LRRK1: variants seen among roughly 807,000 people sequenced by gnomAD.
LRRK1 encodes leucine rich repeat kinase 1, also known as leucine-rich repeat serine/threonine-protein kinase 1.
LRRK1 carries 113 observed loss-of-function variants against 209.1 expected under a neutral mutation model. That is an observed-to-expected ratio of 0.54 (90% CI 0.46 to 0.63). The LOEUF (loss-of-function observed/expected upper bound fraction) is 0.63, where lower values mean the gene tolerates loss of function less well. Among genes scored for constraint, LRRK1 ranks in the 30% least tolerant of loss-of-function variants. The pLI, the probability that LRRK1 is intolerant of heterozygous loss-of-function variation, is 0.00. For synonymous variants in LRRK1, 1,144 were observed against 1,099.7 expected (o/e 1.04, Z -0.80); for missense variants, 2,284 against 2,632.2 (o/e 0.87, Z 2.89).
intron 2 of LRRK1, among the ~76,000 whole-genome samples, chr15:100,949,273 C>A (rs2042599868): frequency 6.6e-6 from 1 of 152,034 alleles, no homozygotes; most frequent in African/African-American, 2.4e-5. Flanking sequence ...AATTCAATAA[C>A]CTAGATGAAA....
chr15:101,068,864 T>C lies in LRRK1; in HGVS notation c.*16T>C. On this transcript the variant is annotated 3_prime_UTR_variant, in exon 34 of 34. Transcript: ENST00000388948. ...GAGAAGGTAATTCCTGTGGAATGAC[T>C]GTCACACATCAGAGCTGGCTGGCCC... 1 of 1,578,736 alleles carries C rather than the reference T, an allele frequency of 6.3e-7. No homozygotes were observed. Among genetic ancestry groups the C allele is most frequent in the Non-Finnish European group, 8.6e-7 (1 of 1,160,850 alleles).
intron 1 of LRRK1, among the ~76,000 whole-genome samples, chr15:100,921,777 T>G (rs1044224198): frequency 6.6e-6 from 1 of 152,182 alleles, no homozygotes; most frequent in Non-Finnish European, 1.5e-5. Flanking sequence ...AGTGCAGTGG[T>G]GCAATCTTGG....
chr15:100,974,652 A>G (rs1275354960), intron 3 of LRRK1, among the ~76,000 whole-genome samples: 2 of 152,226 alleles, frequency 1.3e-5, no homozygotes, highest in Non-Finnish European at 1.5e-5. Flanking sequence ...CTCATCTCTT[A>G]CTAATATAAA....
chr15:101,015,115 G>T (rs1052349886), intron 11 of LRRK1, among the ~76,000 whole-genome samples: 2 of 152,160 alleles, frequency 1.3e-5, no homozygotes, highest in African/African-American at 4.8e-5. Context: ...GCAGTATCAC[G>T]GTGGAACTTG....
chr15:101,003,638 C>T (rs1220795911), intron 6 of LRRK1, among the ~76,000 whole-genome samples: 6 of 152,182 alleles, frequency 3.9e-5, no homozygotes, highest in African/African-American at 9.7e-5. Context: ...TCTCATGAGA[C>T]TTGTTCACTA....
chr15:101,033,968 G>T (rs1361249773), intron 20 of LRRK1, among the ~76,000 whole-genome samples: 1 of 148,972 alleles, frequency 6.7e-6, no homozygotes, highest in East Asian at 1.9e-4. Flanking sequence ...TTCAACTGGG[G>T]TTATATGATA....
intron 26 of LRRK1, among the ~76,000 whole-genome samples, chr15:101,053,904 T>C (rs1437813214): frequency 6.6e-6 from 1 of 152,194 alleles, no homozygotes; most frequent in Non-Finnish European, 1.5e-5. Context: ...AAGGTAGCTG[T>C]CTTTTGACTA....
At chr15:100,971,333 CAAAA>C (rs11342420) in intron 2 of LRRK1, among the ~76,000 whole-genome samples, 4 of 118,594 alleles carry the variant, frequency 3.4e-5, no homozygotes, top group African/African-American at 3.2e-5. Context: ...AACTGTGTCT[CAAAA>C]AAAAAAAAAA....
chr15:100,926,386 G>T (rs568624311), intron 2 of LRRK1, among the ~76,000 whole-genome samples: 3 of 152,124 alleles, frequency 2.0e-5, no homozygotes, highest in Non-Finnish European at 4.4e-5. Context: ...GACGAGGGTG[G>T]GGACAGGGAC....
intron 4 of LRRK1, 123 bp from the exon 5 acceptor site, chr15:100,988,511 G>A: frequency 3.4e-6 from 3 of 877,162 alleles, no homozygotes; most frequent in Non-Finnish European, 5.7e-6. Flanking sequence ...GTATTCCATG[G>A]TGCAAATGTA....
intron 2 of LRRK1, among the ~76,000 whole-genome samples, chr15:100,935,291 G>A (rs905661715): frequency 3.9e-5 from 6 of 152,226 alleles, no homozygotes; most frequent in African/African-American, 1.4e-4. Context: ...AGGTGTCTGG[G>A]GGGAGGTGGC....
intron 20 of LRRK1, among the ~76,000 whole-genome samples, chr15:101,030,457 A>G (rs2034231467): frequency 6.6e-6 from 1 of 152,208 alleles, no homozygotes; most frequent in Non-Finnish European, 1.5e-5. Flanking sequence ...CCAGAGGCTC[A>G]GGCCTGAGCT....
chr15:100,948,597 C>G (rs1022306964), intron 2 of LRRK1, among the ~76,000 whole-genome samples: 1 of 152,024 alleles, frequency 6.6e-6, no homozygotes, highest in South Asian at 2.1e-4. Context: ...GAGTTTTTAT[C>G]CTTATATGTT....
chr15:100,924,366 A>T, intron 1 of LRRK1, 145 bp from the exon 2 acceptor site: 1 of 460,044 alleles, frequency 2.2e-6, no homozygotes, highest in Non-Finnish European at 4.0e-6. Flanking sequence ...CTTCCCACTG[A>T]CCACACCTGA....
Position 100,973,971 on chromosome 15 carries a change from G to C in LRRK1, c.261+4G>C, listed in dbSNP as rs1328342279. Reference sequence around the variant, plus strand: ...GTGCGCGTCCCAGCTGGAAAAGGTAGGGGAGCGCCTGCCCCTGCGGCCACC... The same window carrying C: ...GTGCGCGTCCCAGCTGGAAAAGGTACGGGAGCGCCTGCCCCTGCGGCCACC... On this transcript the variant is annotated splice_donor_region_variant and intron_variant, in intron 3 of 33. Coordinates refer to ENST00000388948, the MANE Select transcript of LRRK1 (RefSeq NM_024652.6). 20 of 1,247,428 alleles carry C rather than the reference G, an allele frequency of 1.6e-5. No homozygotes were observed. In the South Asian group the frequency reaches 5.6e-4, roughly 35 times the overall value. 77.3% of individuals were successfully genotyped at this position (1,247,428 alleles called of 1,614,324 possible).
chr15:100,981,792 CT>C (rs2031615704), intron 3 of LRRK1, among the ~76,000 whole-genome samples: 1 of 152,226 alleles, frequency 6.6e-6, no homozygotes. Flanking sequence ...CATCTGGCAC[CT>C]GGTGAGAGCT....
chr15:101,018,695 A>T (rs981261937), intron 12 of LRRK1, among the ~76,000 whole-genome samples: 4 of 152,228 alleles, frequency 2.6e-5, no homozygotes, highest in African/African-American at 9.6e-5. Context: ...GCAGAAGTAC[A>T]TCTGGGGAGC....
chr15:100,919,741 A>G lies in LRRK1; in HGVS notation c.-123+290A>G, dbSNP rs1482000367. 6.6e-6 allele frequency among the ~76,000 whole-genome samples: 1 copy of G among 151,748 alleles called. No individual in the cohort carries two copies. Among genetic ancestry groups the G allele is most frequent in the Non-Finnish European group, 1.5e-5 (1 of 67,864 alleles). ...GGAGGGGAGCGCGCGGGGCCCGAGC[A>G]GGGAACCCCGAAACCCCGTCCGGGC... On this transcript the variant is annotated intron_variant, in intron 1 of 33. Coordinates refer to ENST00000388948, the MANE Select transcript of LRRK1 (RefSeq NM_024652.6). The surrounding 1 kb of genome is among the most constrained non-coding windows in gnomAD (Gnocchi z 5.8).
chr15:100,974,004 C>A, intron 3 of LRRK1, 37 bp downstream of exon 3: 2 of 1,242,220 alleles, frequency 1.6e-6, no homozygotes, highest in Non-Finnish European at 2.0e-6. Context: ...ACCCATGCAG[C>A]CCCGGGCTGG....
Sources: allele counts gnomAD v4.1 joint callset (sites outside exome capture counted in the v4.1 genomes callset), GRCh38; gene constraint gnomAD v4.1.1; non-coding constraint Gnocchi (gnomAD v3.1); transcripts MANE v1.5; gene names NCBI Gene and HGNC (gene_info 2026-07-23, HGNC 2026-07-21).